Variants in XKR6 observed in about 807,000 individuals in gnomAD.
The protein encoded by XKR6 is XK-related protein 6.
XKR6 carries 22 observed loss-of-function variants against 56.7 expected under a neutral mutation model. The ratio of observed to expected loss-of-function variants is 0.39; its 90% CI spans 0.28 to 0.55. The LOEUF (loss-of-function observed/expected upper bound fraction) is 0.55, where lower values mean the gene tolerates loss of function less well. Among genes scored for constraint, XKR6 ranks in the 20% least tolerant of loss-of-function variants. XKR6 has a pLI of 0.66. For synonymous variants in XKR6, 524 were observed against 387.8 expected (o/e 1.35, Z -4.13); for missense variants, 852 against 889.0 (o/e 0.96, Z 0.53).
At chr8:11,102,971 AAAG>A (rs377083091) in intron 1 of XKR6, among the ~76,000 whole-genome samples, 2 of 152,216 alleles carry the variant, frequency 1.3e-5, no homozygotes, top group African/African-American at 4.8e-5. Context: ...CCAGGCACAC[AAAG>A]ATTAGAGAAA....
chr8:10,966,110 A>T (rs1177417477), intron 1 of XKR6, among the ~76,000 whole-genome samples: 6 of 152,248 alleles, frequency 3.9e-5, no homozygotes, highest in Non-Finnish European at 8.8e-5. Context: ...CAACCGTGCC[A>T]GGTGCACAGC....
intron 2 of XKR6, among the ~76,000 whole-genome samples, chr8:10,904,736 C>T (rs1800136910): frequency 6.6e-6 from 1 of 152,140 alleles, no homozygotes; most frequent in African/African-American, 2.4e-5. Flanking sequence ...AAACAATGTC[C>T]AGAGCTCCCT....
At chr8:11,090,152 A>G (rs533671432) in intron 1 of XKR6, among the ~76,000 whole-genome samples, 4 of 152,176 alleles carry the variant, frequency 2.6e-5, no homozygotes, top group Non-Finnish European at 5.9e-5. Flanking sequence ...GGTGCAAATT[A>G]TAGCTCACTG....
rs1253319024 is a variant in XKR6, at chr8:11,200,462, C to A, written c.764+114G>T. The A allele has an allele frequency of 2.4e-6, 3 of 1,267,740 alleles. No individual in the cohort carries two copies. The highest frequency in any genetic ancestry group is 1.6e-5 in the African/African-American group (1 of 63,552). 78.5% of individuals were successfully genotyped at this position (1,267,740 alleles called of 1,614,324 possible). Reference sequence around the variant, plus strand: ...ACGCCAGGGGCGGCGCGCGGCCGGTCCCTCCTTCGAGCCCCCCGCGCTGGG... The same window carrying A: ...ACGCCAGGGGCGGCGCGCGGCCGGTACCTCCTTCGAGCCCCCCGCGCTGGG... On this transcript the variant is annotated intron_variant, in intron 1 of 2. Coordinates refer to ENST00000416569, the MANE Select transcript of XKR6 (RefSeq NM_173683.4). This position sits in a 1 kb window ranked among gnomAD's most constrained non-coding sequence, Gnocchi z 6.4.
intron 1 of XKR6, among the ~76,000 whole-genome samples, chr8:11,109,984 T>A (rs1438269778): frequency 6.6e-6 from 1 of 152,228 alleles, no homozygotes; most frequent in Non-Finnish European, 1.5e-5. Flanking sequence ...TTTGTTTGTT[T>A]GTCTTTGACA....
chr8:11,173,718 T>G (rs1053703841), intron 1 of XKR6, among the ~76,000 whole-genome samples: 1 of 152,160 alleles, frequency 6.6e-6, no homozygotes, highest in African/African-American at 2.4e-5. Context: ...GCAAGCCTTT[T>G]TGGCCAGTGG....
intron 1 of XKR6, among the ~76,000 whole-genome samples, chr8:11,178,543 T>TAA (rs35646464): frequency 4.5e-4 from 55 of 120,992 alleles, no homozygotes; most frequent in South Asian, 1.3e-3. Flanking sequence ...ATCTGAGAGG[T>TAA]AAAAATATAT....
intron 2 of XKR6, among the ~76,000 whole-genome samples, chr8:10,908,862 T>A (rs1180072373): frequency 6.6e-6 from 1 of 151,704 alleles, no homozygotes; most frequent in Non-Finnish European, 1.5e-5. Context: ...AGTGGGTTCC[T>A]GACTTTTAAA....
intron 1 of XKR6, among the ~76,000 whole-genome samples, chr8:11,127,420 C>A (rs551916215): frequency 1.3e-5 from 2 of 152,224 alleles, no homozygotes; most frequent in Non-Finnish European, 2.9e-5. Flanking sequence ...TACAATTACA[C>A]TTACCAGTGG....
chr8:11,009,403 T>G (rs973871275), intron 1 of XKR6, among the ~76,000 whole-genome samples: 5 of 151,990 alleles, frequency 3.3e-5, no homozygotes, highest in African/African-American at 1.2e-4. Flanking sequence ...CCCAGCTACT[T>G]GGGAGGCTGA....
intron 1 of XKR6, among the ~76,000 whole-genome samples, chr8:11,008,418 C>CTTTTTT (rs35571220): frequency 3.3e-4 from 34 of 104,146 alleles, no homozygotes; most frequent in Non-Finnish European, 3.7e-4. Context: ...GCTCCCCAGG[C>CTTTTTT]TTTTTTTTTT....
At chr8:11,101,053 C>T (rs1424886323) in intron 1 of XKR6, among the ~76,000 whole-genome samples, 3 of 152,186 alleles carry the variant, frequency 2.0e-5, no homozygotes, top group East Asian at 3.9e-4. Context: ...GTCGCTAAAA[C>T]GCTTTGAAAA....
At position 11,050,640 on chromosome 8, in the gene XKR6, G is replaced by A. The variant is rs371413467; in HGVS notation, c.765-125810C>T. ...AGAAAAGCTATGAAGAAAGAGAAAA[G>A]AAACTACTGGGCAGGAAAAGAACAC... On this transcript the variant is annotated intron_variant, in intron 1 of 2. Coordinates refer to ENST00000416569, the MANE Select transcript of XKR6 (RefSeq NM_173683.4). Among the ~76,000 whole-genome samples, 131 of 150,744 alleles carry A rather than the reference G, an allele frequency of 8.7e-4. 1 individual carries two copies. The South Asian group carries it at 0.014, about 16-fold the overall frequency.
At chr8:11,031,675 C>T (rs1393597236) in intron 1 of XKR6, among the ~76,000 whole-genome samples, 2 of 151,344 alleles carry the variant, frequency 1.3e-5, no homozygotes, top group African/African-American at 4.9e-5. Context: ...CAGATGAGGC[C>T]TGATTGCAGC....
intron 1 of XKR6, among the ~76,000 whole-genome samples, chr8:11,092,384 GT>G (rs1213543974): frequency 1.3e-5 from 2 of 152,164 alleles, no homozygotes; most frequent in Non-Finnish European, 2.9e-5. Flanking sequence ...ACTCATTTTA[GT>G]TTTAGAATTC....
At chr8:11,112,888 G>C (rs561552699) in intron 1 of XKR6, among the ~76,000 whole-genome samples, 99 of 152,156 alleles carry the variant, frequency 6.5e-4, no homozygotes, top group Non-Finnish European at 1.3e-3. Context: ...TTTTATAAAT[G>C]TTAAATCACT....
At position 11,201,374 on chromosome 8, in the gene XKR6, G is replaced by C. The variant is rs1188506014; in HGVS notation, c.-35C>G. ...CTTCCCAGCTCCGGAGGTTGGGGGG[G>C]AGGGACGGCGGGGGGGGGGGGAAGA... On this transcript the variant is annotated 5_prime_UTR_variant, in exon 1 of 3. Coordinates refer to ENST00000416569, the MANE Select transcript of XKR6 (RefSeq NM_173683.4). 1.5e-6 allele frequency: 2 copies of C among 1,341,206 alleles called. No homozygotes were observed. Among genetic ancestry groups the C allele is most frequent in the South Asian group, 1.4e-5 (1 of 69,272 alleles). 83.1% of individuals were successfully genotyped at this position (1,341,206 alleles called of 1,614,324 possible).
intron 1 of XKR6, among the ~76,000 whole-genome samples, chr8:11,086,157 TAA>T (rs1286798716): frequency 4.0e-4 from 59 of 148,024 alleles, no homozygotes; most frequent in Middle Eastern, 3.5e-3. Context: ...TATTTTTTTT[TAA>T]AAAAAACAAG....
At chr8:11,042,389 G>C (rs140307836) in intron 1 of XKR6, among the ~76,000 whole-genome samples, 4 of 152,248 alleles carry the variant, frequency 2.6e-5, no homozygotes, top group Non-Finnish European at 5.9e-5. Context: ...GAACCGTGGG[G>C]ACAGATTTTT....
Sources: gnomAD v4.1 joint callset for allele counts (sites outside exome capture counted in the v4.1 genomes callset) on GRCh38, gnomAD v4.1.1 for gene constraint, Gnocchi (gnomAD v3.1) non-coding constraint, MANE v1.5 for transcripts, NCBI Gene and HGNC (gene_info 2026-07-23, HGNC 2026-07-21) for gene names.